The following LDLRAD4 variants were observed in gnomAD, a reference collection of about 807,000 sequenced individuals.
LDLRAD4 encodes the protein low-density lipoprotein receptor class A domain-containing protein 4.
A neutral mutation model predicts 17.0 loss-of-function variants in LDLRAD4; 5 were observed. The ratio of observed to expected loss-of-function variants is 0.29; its 90% confidence interval spans 0.15 to 0.62. The LOEUF is 0.62. LDLRAD4 is among the 20% of genes least tolerant of loss of function. The pLI is 0.84. For synonymous variants in LDLRAD4, 168 were observed against 171.8 expected (o/e 0.98, Z 0.17); for missense variants, 340 against 424.7 (o/e 0.80, Z 1.75).
intron 3 of LDLRAD4, among the ~76,000 whole-genome samples, chr18:13,548,431 T>A (rs1284408): frequency 6.6e-6 from 1 of 152,020 alleles, no homozygotes; most frequent in Admixed American, 6.5e-5. Flanking sequence ...CCCCTTGGCC[T>A]CCTTCCCCTG....
intron 1 of LDLRAD4, among the ~76,000 whole-genome samples, chr18:13,323,346 C>T (rs903835119): frequency 1.3e-5 from 2 of 152,242 alleles, no homozygotes; most frequent in Admixed American, 1.3e-4. Flanking sequence ...CCTTTTTATC[C>T]TCAGTTCCTG....
chr18:13,571,844 A>G (rs976678622), intron 3 of LDLRAD4, among the ~76,000 whole-genome samples: 4 of 151,860 alleles, frequency 2.6e-5, no homozygotes, highest in Non-Finnish European at 2.9e-5. Context: ...CACCGTGTTA[A>G]CCAGGATGGT....
Position 13,367,707 on chromosome 18 carries a change from A to G in LDLRAD4, c.-382-19634A>G, listed in dbSNP as rs1252891727. Among the ~76,000 whole-genome samples, 1 of 151,424 alleles carries G rather than the reference A, an allele frequency of 6.6e-6. No homozygotes were observed. Among genetic ancestry groups the G allele is most frequent in the Admixed American group, 6.6e-5 (1 of 15,230 alleles). ...CCGGGCACGGGGGCACACGTTGTCA[A>G]GGGATATACCGAGAGGAGACAGCCG... is the stretch of plus-strand genomic sequence containing the variant. On this transcript the variant is annotated intron_variant, in intron 1 of 5. Transcript: ENST00000359446. The surrounding 1 kb of genome is among the most constrained non-coding windows in gnomAD (Gnocchi z 4.1).
intron 5 of LDLRAD4, chr18:13,644,744 GAC>G: frequency 1.0e-5 from 2 of 196,542 alleles, no homozygotes; most frequent in Non-Finnish European, 2.0e-5. Flanking sequence ...TGTCACTGGT[GAC>G]CAGATCCAAG....
At chr18:13,641,857 C>G (rs2042589873) in intron 4 of LDLRAD4, 1 of 985,394 alleles carries the variant, frequency 1.0e-6, no homozygotes, top group Non-Finnish European at 1.2e-6. Flanking sequence ...GGGACAGTCA[C>G]TACGTTTTCA....
rs371808111 is a variant in LDLRAD4, at chr18:13,246,922, G to GT, written c.-467+27941dup. 1.9e-4 allele frequency among the ~76,000 whole-genome samples: 29 copies of GT among 149,846 alleles called. No individual in the cohort carries two copies. In the South Asian group the frequency reaches 4.7e-3, roughly 24 times the overall value. ...AATTTTGTTCCTGAAAATCTGCAAT[G>GT]TTTTTTTATCTACAAGGGTTTTTTT... On this transcript the variant is annotated intron_variant, in intron 1 of 5. Coordinates refer to the LDLRAD4 transcript ENST00000399848.
chr18:13,529,215 G>T (rs1324149264), intron 3 of LDLRAD4, among the ~76,000 whole-genome samples: 3 of 152,208 alleles, frequency 2.0e-5, no homozygotes, highest in Non-Finnish European at 4.4e-5. Context: ...TGGGCCCCCA[G>T]TTGCCCGGCA....
At chr18:13,633,292 TAA>T (rs993703869) in intron 4 of LDLRAD4, among the ~76,000 whole-genome samples, 6 of 152,242 alleles carry the variant, frequency 3.9e-5, no homozygotes, top group Admixed American at 2.6e-4. Context: ...AAAAGCATCC[TAA>T]GTTCTTACTC....
chr18:13,567,011 C>T (rs1204841935), intron 3 of LDLRAD4, among the ~76,000 whole-genome samples: 3 of 152,142 alleles, frequency 2.0e-5, no homozygotes, highest in South Asian at 2.1e-4. Flanking sequence ...AGTCACACAG[C>T]GTGTGTGAAA....
rs1389251351 is a variant in LDLRAD4, at chr18:13,313,823, C to T, written c.-383+35635C>T. Among the ~76,000 whole-genome samples, 8 of 151,836 alleles carry T rather than the reference C, an allele frequency of 5.3e-5. No homozygotes were observed. In the East Asian group the frequency reaches 7.7e-4, roughly 15 times the overall value. ...TGAAAATCCAGCCAACAGCCGTGTG[C>T]GGGGGGGTGCCCACGCATCTCCTTG... On this transcript the variant is annotated intron_variant, in intron 1 of 5. Transcript: ENST00000359446.
At chr18:13,347,862 A>G (rs149123689) in intron 1 of LDLRAD4, among the ~76,000 whole-genome samples, 171 of 152,250 alleles carry the variant, frequency 1.1e-3, no homozygotes, top group African/African-American at 3.9e-3. Flanking sequence ...AGTTGATCGA[A>G]TCAGCTACTG....
chr18:13,537,375 C>A (rs2094214727), intron 3 of LDLRAD4, among the ~76,000 whole-genome samples: 1 of 152,096 alleles, frequency 6.6e-6, no homozygotes, highest in South Asian at 2.1e-4. Context: ...TGAGGGTGTG[C>A]AGGAGGATAG....
At chr18:13,451,391 C>T (rs574658541) in intron 3 of LDLRAD4, among the ~76,000 whole-genome samples, 88 of 152,170 alleles carry the variant, frequency 5.8e-4, no homozygotes, top group Non-Finnish European at 1.1e-3. Flanking sequence ...CGGCACCTCC[C>T]CCCTCACTCC....
intron 4 of LDLRAD4, among the ~76,000 whole-genome samples, chr18:13,627,462 C>T (rs1052265512): frequency 1.5e-4 from 23 of 152,254 alleles, no homozygotes; most frequent in Middle Eastern, 3.4e-3. Context: ...GCATTGCCAT[C>T]TGTGGGTTTG....
chr18:13,645,025 C>T lies in LDLRAD4; in HGVS notation c.391-102C>T. 1 of 910,568 alleles carries T rather than the reference C, an allele frequency of 1.1e-6. No individual in the cohort carries two copies. The highest frequency in any genetic ancestry group is 1.7e-6 in the Non-Finnish European group (1 of 603,808). 56.4% of individuals were successfully genotyped at this position (910,568 alleles called of 1,614,324 possible). On this transcript the variant is annotated intron_variant, in intron 5 of 5. Coordinates refer to ENST00000359446, the Ensembl canonical transcript of LDLRAD4. This position sits in a 1 kb window ranked among gnomAD's most constrained non-coding sequence, Gnocchi z 5.7. ...TTTTTCCTGGGAGATGGTGTTCAAA[C>T]TGGTAGGAACACACACCAAGCGTAA...
intron 1 of LDLRAD4, among the ~76,000 whole-genome samples, chr18:13,365,683 A>G (rs1410427812): frequency 6.6e-6 from 1 of 152,220 alleles, no homozygotes; most frequent in Non-Finnish European, 1.5e-5. Flanking sequence ...ATGTGATTTC[A>G]CTCAAGGCAC....
At chr18:13,425,743 T>C (rs1435459312) in intron 2 of LDLRAD4, among the ~76,000 whole-genome samples, 1 of 152,200 alleles carries the variant, frequency 6.6e-6, no homozygotes, top group Non-Finnish European at 1.5e-5. Flanking sequence ...GCTGCATTGT[T>C]CTCATCCTGT....
At chr18:13,410,066 G>C (rs1189967461) in intron 2 of LDLRAD4, among the ~76,000 whole-genome samples, 1 of 152,158 alleles carries the variant, frequency 6.6e-6, no homozygotes, top group African/African-American at 2.4e-5. Context: ...TTCTAATCGT[G>C]ATAAGACACC....
intron 1 of LDLRAD4, among the ~76,000 whole-genome samples, chr18:13,365,585 C>A (rs2083999585): frequency 1.3e-5 from 2 of 152,208 alleles, no homozygotes; most frequent in Admixed American, 1.3e-4. Context: ...ACACACAGTT[C>A]TCACACAGCA....
Sources: gnomAD v4.1 joint callset for allele counts (sites outside exome capture counted in the v4.1 genomes callset) on GRCh38, gnomAD v4.1.1 for gene constraint, Gnocchi (gnomAD v3.1) non-coding constraint, MANE v1.5 for transcripts, NCBI Gene and HGNC (gene_info 2026-07-23, HGNC 2026-07-21) for gene names.